BTBD1: variants seen among roughly 807,000 people sequenced by gnomAD.
The protein encoded by BTBD1 is BTB domain containing 1.
BTBD1 carries 34 observed loss-of-function variants against 48.0 expected under a neutral mutation model. The observed-to-expected ratio is 0.71, with a 90% CI of 0.54 to 0.94. The LOEUF is 0.94. BTBD1 is among the 40% of genes least tolerant of loss of function. The pLI, the probability that BTBD1 is intolerant of heterozygous loss-of-function variation, is 0.00. For missense variants in BTBD1, 543 were observed against 625.6 expected, an observed-to-expected ratio of 0.87 and a Z score of 1.41; for synonymous variants, 261 against 242.1, an observed-to-expected ratio of 1.08 and a Z score of -0.72.
chr15:83,051,877 T>TATATACACACACACACACAC (rs1555441191), intron 2 of BTBD1, among the ~76,000 whole-genome samples: 3 of 138,816 alleles, frequency 2.2e-5, no homozygotes, highest in African/African-American at 8.3e-5. Context: ...TCCATATATA[T>TATATACACACACACACACAC]ACACACACAC....
At chr15:83,028,884 C>A (rs1298877441) in intron 5 of BTBD1, among the ~76,000 whole-genome samples, 1 of 152,034 alleles carries the variant, frequency 6.6e-6, no homozygotes, top group Non-Finnish European at 1.5e-5. Context: ...TTTTATTGGT[C>A]TTTTAAAGGA....
In BTBD1 at chr15:83,051,486, A is replaced by G. The variant is rs947790061; in HGVS notation, c.559-1308T>C. Among the ~76,000 whole-genome samples the G allele has an allele frequency of 5.4e-5, 8 of 149,430 alleles. No individual in the cohort carries two copies. The East Asian group carries it at 1.5e-3, about 29-fold the overall frequency. On this transcript the variant is annotated intron_variant, in intron 2 of 7. Coordinates refer to ENST00000261721, the MANE Select transcript of BTBD1 (RefSeq NM_025238.4). Reference sequence around the variant, plus strand: ...TATATTTTAAAAATTATATATATATATATTTTAAGTTTAAAACATTTACAT... The same window carrying G: ...TATATTTTAAAAATTATATATATATGTATTTTAAGTTTAAAACATTTACAT...
chr15:83,054,181 T>C (rs1462874821), intron 2 of BTBD1, among the ~76,000 whole-genome samples: 2 of 151,766 alleles, frequency 1.3e-5, no homozygotes, highest in African/African-American at 4.8e-5. Context: ...CCTACCAAAA[T>C]AAAAAAATTA....
At chr15:83,059,185 T>C (rs1056451745) in intron 1 of BTBD1, among the ~76,000 whole-genome samples, 10 of 152,324 alleles carry the variant, frequency 6.6e-5, no homozygotes, top group Admixed American at 5.9e-4. Context: ...AGCAGTTGCC[T>C]TGTTTTTAAT....
chr15:83,049,324 C>T (rs1474196639), intron 3 of BTBD1, among the ~76,000 whole-genome samples: 1 of 152,200 alleles, frequency 6.6e-6, no homozygotes, highest in Admixed American at 6.5e-5. Context: ...CACGAAGATA[C>T]AGGAGAACAT....
At chr15:83,039,785 A>G (rs1488582234) in intron 4 of BTBD1, among the ~76,000 whole-genome samples, 1 of 151,660 alleles carries the variant, frequency 6.6e-6, no homozygotes, top group Non-Finnish European at 1.5e-5. Context: ...CTCAAAAAAA[A>G]AAAAAAAAAC....
intron 4 of BTBD1, among the ~76,000 whole-genome samples, chr15:83,035,639 A>C (rs2032611272): frequency 6.6e-6 from 1 of 152,118 alleles, no homozygotes; most frequent in Admixed American, 6.5e-5. Context: ...TTGACCTTCT[A>C]AGTATCTCAA....
At chr15:83,066,718 G>C (rs2033281467) in intron 1 of BTBD1, 33 bp downstream of exon 1, 1 of 1,270,516 alleles carries the variant, frequency 7.9e-7, no homozygotes. Flanking sequence ...GCCCGGCCCG[G>C]CCCGGCCCGG....
chr15:83,061,692 G>C (rs1455049365), intron 1 of BTBD1: 2 of 152,282 alleles, frequency 1.3e-5, no homozygotes, highest in African/African-American at 4.8e-5. Context: ...GAGGACCTGA[G>C]ACTTAAGGCT....
intron 4 of BTBD1, among the ~76,000 whole-genome samples, chr15:83,031,903 A>C (rs146029822): frequency 6.6e-6 from 1 of 152,214 alleles, no homozygotes; most frequent in African/African-American, 2.4e-5. Context: ...GAATGGCCAT[A>C]ATTAAAAAAT....
chr15:83,021,345 T>C (rs1375561614), intron 5 of BTBD1, among the ~76,000 whole-genome samples: 3 of 152,190 alleles, frequency 2.0e-5, no homozygotes, highest in African/African-American at 4.8e-5. Flanking sequence ...TGGGACAGGA[T>C]TCGAATGCAG....
intron 3 of BTBD1, chr15:83,044,237 T>C: frequency 1.6e-6 from 1 of 609,266 alleles, no homozygotes; most frequent in South Asian, 2.0e-5. Context: ...CAGTACATAT[T>C]GTTTAATATA....
chr15:83,018,288 G>A (rs2032212094), intron 7 of BTBD1, 63 bp from the exon 8 acceptor site: 2 of 1,253,666 alleles, frequency 1.6e-6, no homozygotes, highest in Non-Finnish European at 1.1e-6. Context: ...TTAATGTGGT[G>A]TTTTAATTAG....
intron 4 of BTBD1, among the ~76,000 whole-genome samples, chr15:83,041,415 G>A (rs996586383): frequency 3.4e-5 from 5 of 149,146 alleles, no homozygotes; most frequent in East Asian, 3.9e-4. Flanking sequence ...TCGCTCTGTC[G>A]CCCGGGCTGG....
Position 83,017,210 on chromosome 15 carries a change from A to G in BTBD1, c.*857T>C, listed in dbSNP as rs1385646842. On this transcript the variant is annotated 3_prime_UTR_variant, in exon 8 of 8. Transcript: ENST00000261721. Reference sequence around the variant, plus strand: ...CAGTTGTTAGAAATGTTAGTATTTTATTCGGTTTCTTGCTGTGAAGGATTA... The same window carrying G: ...CAGTTGTTAGAAATGTTAGTATTTTGTTCGGTTTCTTGCTGTGAAGGATTA... 1 of 152,638 alleles carries G rather than the reference A, an allele frequency of 6.6e-6. No individual in the cohort carries two copies. The highest frequency in any genetic ancestry group is 1.9e-4 in the East Asian group (1 of 5,206). The allele number at this position is 152,638 out of a possible 1,614,324, so 9.5% of individuals were successfully genotyped here.
chr15:83,032,321 C>CA (rs556487520), intron 4 of BTBD1, among the ~76,000 whole-genome samples: 3,530 of 130,638 alleles, frequency 0.027, 55 homozygotes, highest in Middle Eastern at 0.046. Context: ...ACTCTGTCTC[C>CA]AAAAAAAAAA....
chr15:83,037,055 A>T (rs984205337), intron 4 of BTBD1, among the ~76,000 whole-genome samples: 5 of 152,160 alleles, frequency 3.3e-5, no homozygotes, highest in African/African-American at 1.2e-4. Context: ...AAAAAAACCC[A>T]AACACTGATT....
intron 2 of BTBD1, among the ~76,000 whole-genome samples, chr15:83,050,854 A>G (rs976148441): frequency 1.3e-5 from 2 of 152,156 alleles, no homozygotes; most frequent in Non-Finnish European, 2.9e-5. Context: ...ATCTACAACT[A>G]CACAAACCAA....
At chr15:83,040,699 C>CA (rs71156070) in intron 4 of BTBD1, among the ~76,000 whole-genome samples, 9,597 of 56,248 alleles carry the variant, frequency 0.17, 547 homozygotes, top group Middle Eastern at 0.21. Flanking sequence ...GACCCTGTCT[C>CA]AAAAAAAAAA....
Sources: allele counts gnomAD v4.1 joint callset (sites outside exome capture counted in the v4.1 genomes callset), GRCh38; gene constraint gnomAD v4.1.1; transcripts MANE v1.5; gene names NCBI Gene and HGNC (gene_info 2026-07-23, HGNC 2026-07-21).